Variants in AIG1 observed in about 807,000 individuals in gnomAD.
AIG1 encodes the protein androgen induced 1.
A neutral mutation model predicts 31.4 loss-of-function variants in AIG1; 23 were observed. That is an observed-to-expected ratio of 0.73 (90% CI 0.53 to 1.04). AIG1 has a LOEUF of 1.04. Among genes scored for constraint, AIG1 ranks in the 50% least tolerant of loss-of-function variants. The probability of loss-of-function intolerance (pLI) is 0.00; values close to 1 mark genes in which losing one functional copy is unlikely to be tolerated. For missense variants in AIG1, 274 were observed against 295.0 expected (o/e 0.93, Z 0.52); for synonymous variants, 100 against 110.5 (o/e 0.90, Z 0.60).
At chr6:143,077,775 T>C (rs1777866455) in intron 1 of AIG1, among the ~76,000 whole-genome samples, 1 of 152,244 alleles carries the variant, frequency 6.6e-6, no homozygotes, top group Non-Finnish European at 1.5e-5. Flanking sequence ...AAATATTTTT[T>C]CTATGATTAC....
downstream of AIG1, chr6:143,342,690 AAGG>A (rs896079017): frequency 2.5e-5 from 30 of 1,211,806 alleles, no homozygotes; most frequent in African/African-American, 2.7e-4. Context: ...CCACAAAAAG[AAGG>A]AGACTTCAGA....
At chr6:143,139,402 G>A (rs965542032) in intron 2 of AIG1, among the ~76,000 whole-genome samples, 4 of 151,498 alleles carry the variant, frequency 2.6e-5, no homozygotes, top group African/African-American at 9.7e-5. Flanking sequence ...TCATCACTGC[G>A]CCAGGGCCTC....
intron 3 of AIG1, chr6:143,187,929 A>G (rs1404259966): frequency 5.3e-6 from 7 of 1,311,824 alleles, no homozygotes; most frequent in Non-Finnish European, 5.8e-6. Context: ...TTTAACCTCC[A>G]TAAGGAATGA....
At chr6:143,198,465 TTGTTAGAAAAATTATAAAAC>T (rs1365835722) in intron 3 of AIG1, among the ~76,000 whole-genome samples, 1 of 152,256 alleles carries the variant, frequency 6.6e-6, no homozygotes, top group Non-Finnish European at 1.5e-5. Flanking sequence ...CTCTCATTAG[TTGTTAGAAAAATTATAAAAC>T]TGACATTGTT....
chr6:143,059,629 G>A (rs921394798), upstream of AIG1, among the ~76,000 whole-genome samples: 1 of 152,056 alleles, frequency 6.6e-6, no homozygotes, highest in Non-Finnish European at 1.5e-5. Flanking sequence ...AATCTAGTGG[G>A]TCTCTTCATT....
chr6:143,140,663 A>C (rs1784174144), intron 2 of AIG1, among the ~76,000 whole-genome samples: 1 of 152,226 alleles, frequency 6.6e-6, no homozygotes, highest in African/African-American at 2.4e-5. Context: ...ACGGTTCATT[A>C]CATCAGAAGG....
intron 3 of AIG1, among the ~76,000 whole-genome samples, chr6:143,177,401 C>T (rs1440286057): frequency 6.6e-6 from 1 of 152,114 alleles, no homozygotes; most frequent in African/African-American, 2.4e-5. Flanking sequence ...GATATCCATG[C>T]GTCTGGTGAC....
In AIG1 at chr6:143,333,292, G is replaced by A; in HGVS notation, c.526G>A (p.Val176Met). 1 of 1,611,694 alleles carries A rather than the reference G, an allele frequency of 6.2e-7. No individual in the cohort carries two copies. The highest frequency in any genetic ancestry group is 8.5e-7 in the Non-Finnish European group (1 of 1,179,126). Reference sequence around the variant, plus strand: ...CCGATTCTTTTGCAGGGTGTGCTGGGTGCATCATGTAACTGGCATGTGGGT... The same window carrying A: ...CCGATTCTTTTGCAGGGTGTGCTGGATGCATCATGTAACTGGCATGTGGGT... ...SVGYILWVCW[V>M]HHVTGMWVYP... The change falls in exon 5 of 6, where the codon GTG (valine) becomes ATG (methionine). Residue 176 changes from valine to methionine, a missense_variant. Val to Met is a conservative substitution (Grantham distance 21). Coordinates refer to ENST00000357847, the MANE Select transcript of AIG1 (RefSeq NM_016108.4). This position sits in a 1 kb window ranked among gnomAD's most constrained non-coding sequence, Gnocchi z 4.6.
chr6:143,124,661 T>G (rs775340334), intron 1 of AIG1, among the ~76,000 whole-genome samples: 10 of 152,212 alleles, frequency 6.6e-5, no homozygotes, highest in Non-Finnish European at 1.0e-4. Context: ...AGAGGTTTAA[T>G]TGACTCACAG....
rs763409147 is a variant in AIG1, at chr6:143,284,114, C to T, written c.404C>T (p.Thr135Met). ...CTAGTCTCTGTTATTTTCCAGCACA[C>T]GACGGTTCTGCCCTTTATATTAATC... is the stretch of plus-strand genomic sequence containing the variant. ...IPGWLNHGMH[T>M]TVLPFILIEM... Residue 135 changes from threonine (T) to methionine (M), a missense_variant, in exon 4 of 6, where the codon ACG becomes ATG. Thr to Met is a moderately conservative substitution (Grantham distance 81). Transcript: ENST00000357847. The surrounding 1 kb of genome is among the most constrained non-coding windows in gnomAD (Gnocchi z 4.4). 11 of 1,612,294 alleles carry T rather than the reference C, an allele frequency of 6.8e-6. No individual in the cohort carries two copies. The highest frequency in any genetic ancestry group is 4.0e-5 in the African/African-American group (3 of 74,834).
chr6:143,207,538 A>ACACACG (rs1554257886), intron 3 of AIG1, among the ~76,000 whole-genome samples: 17 of 152,118 alleles, frequency 1.1e-4, no homozygotes, highest in African/African-American at 4.1e-4. Context: ...ACACACACAC[A>ACACACG]CACACACCCC....
chr6:143,279,841 C>A lies in AIG1; in HGVS notation c.400-4269C>A, dbSNP rs1797222452. On this transcript the variant is annotated intron_variant, in intron 3 of 5. Coordinates refer to ENST00000357847, the MANE Select transcript of AIG1 (RefSeq NM_016108.4). This position sits in a 1 kb window ranked among gnomAD's most constrained non-coding sequence, Gnocchi z 5.4. ...GATGATAGAGCTTGGGATAGGTTCACCACTTATATCCTAGACCAGTACTTT... is the reference window on the plus strand; with the variant it reads ...GATGATAGAGCTTGGGATAGGTTCAACACTTATATCCTAGACCAGTACTTT... Among the ~76,000 whole-genome samples the A allele has an allele frequency of 6.6e-6, 1 of 152,194 alleles. No individual in the cohort carries two copies.
intron 1 of AIG1, among the ~76,000 whole-genome samples, chr6:143,097,381 C>T (rs1045230618): frequency 2.6e-5 from 4 of 152,104 alleles, no homozygotes; most frequent in African/African-American, 9.7e-5. Flanking sequence ...AGCACACCCC[C>T]AGCATACCCT....
At position 143,092,803 on chromosome 6, in the gene AIG1, G is replaced by A. The variant is rs540462100; in HGVS notation, c.141+31737G>A. 1.4e-4 allele frequency among the ~76,000 whole-genome samples: 21 copies of A among 152,226 alleles called. No homozygotes were observed. The East Asian group carries it at 1.5e-3, about 11-fold the overall frequency. ...AGTGGCTTGTGGCTGTAATCCCAGC[G>A]TTTTGAGAGTCTGAGGCGGGAGGAT... On this transcript the variant is annotated intron_variant, in intron 1 of 5. Coordinates refer to ENST00000357847, the MANE Select transcript of AIG1 (RefSeq NM_016108.4).
At chr6:143,236,576 C>G (rs1793823880) in intron 3 of AIG1, among the ~76,000 whole-genome samples, 1 of 152,216 alleles carries the variant, frequency 6.6e-6, no homozygotes, top group Non-Finnish European at 1.5e-5. Flanking sequence ...GCGAGTCACA[C>G]TCTTTATGGG....
chr6:143,113,326 G>A (rs1042032277), intron 1 of AIG1, among the ~76,000 whole-genome samples: 6 of 151,850 alleles, frequency 4.0e-5, no homozygotes, highest in African/African-American at 1.2e-4. Flanking sequence ...GATTTCTGGC[G>A]GGGCGTGGGG....
Position 143,325,671 on chromosome 6 carries a change from T to C in AIG1, c.516-7611T>C, listed in dbSNP as rs1383871355. 6.6e-6 allele frequency among the ~76,000 whole-genome samples: 1 copy of C among 152,236 alleles called. No individual in the cohort carries two copies. The highest frequency in any genetic ancestry group is 1.5e-5 in the Non-Finnish European group (1 of 68,044). On this transcript the variant is annotated intron_variant, in intron 4 of 5. Transcript: ENST00000357847. This position sits in a 1 kb window ranked among gnomAD's most constrained non-coding sequence, Gnocchi z 4.3. ...CAATCACCATGTTGTCTTAACTATA[T>C]TTGTTAAATCAGTGCCTGTCAAATT...
chr6:143,166,711 A>AGT (rs2128567218), intron 3 of AIG1, among the ~76,000 whole-genome samples: 1 of 152,262 alleles, frequency 6.6e-6, no homozygotes, highest in Non-Finnish European at 1.5e-5. Context: ...ATTCTTTGCC[A>AGT]GTTACATAGC....
chr6:143,187,598 T>C (rs1429265793), intron 3 of AIG1: 7 of 1,536,106 alleles, frequency 4.6e-6, no homozygotes, highest in Non-Finnish European at 5.2e-6. Flanking sequence ...GAGAAGGCAA[T>C]TAAAAGATGT....
Sources: allele counts gnomAD v4.1 joint callset (sites outside exome capture counted in the v4.1 genomes callset), GRCh38; gene constraint gnomAD v4.1.1; non-coding constraint Gnocchi (gnomAD v3.1); transcripts MANE v1.5; gene names NCBI Gene and HGNC (gene_info 2026-07-23, HGNC 2026-07-21).